Variants in RTN4 observed in about 807,000 individuals in gnomAD.
RTN4 encodes the protein reticulon-4.
RTN4 carries 32 observed loss-of-function variants against 90.4 expected under a neutral mutation model. The ratio of observed to expected loss-of-function variants is 0.35; its 90% confidence interval spans 0.27 to 0.48. The LOEUF (loss-of-function observed/expected upper bound fraction) is 0.48, where lower values mean the gene tolerates loss of function less well. Among genes scored for constraint, RTN4 ranks in the 20% least tolerant of loss-of-function variants. The probability of loss-of-function intolerance (pLI) is 0.99; values close to 1 mark genes in which losing one functional copy is unlikely to be tolerated. For missense variants in RTN4, 1,706 were observed against 1,430.2 expected (o/e 1.19, Z -3.11); for synonymous variants, 629 against 552.5 (o/e 1.14, Z -1.94).
chr2:55,025,054 G>A (rs747645565), intron 3 of RTN4, 32 bp downstream of exon 3: 2 of 1,552,454 alleles, frequency 1.3e-6, no homozygotes, highest in East Asian at 4.5e-5. Context: ...AAAGTGGCAT[G>A]AAAGCACAAA....
chr2:54,990,249 T>G (rs191312368), intron 3 of RTN4, among the ~76,000 whole-genome samples: 1 of 152,238 alleles, frequency 6.6e-6, no homozygotes, highest in African/African-American at 2.4e-5. Flanking sequence ...AATAGTTGTA[T>G]GTATTTCAAA....
At chr2:55,115,640 A>T (rs1038295463), upstream of RTN4, among the ~76,000 whole-genome samples, 4 of 152,244 alleles carry the variant, frequency 2.6e-5, no homozygotes, top group Admixed American at 2.6e-4. Context: ...CCAAGAAAGC[A>T]GTCTGCTCCC....
intron 1 of RTN4, among the ~76,000 whole-genome samples, chr2:55,085,937 G>A (rs1177898047): frequency 6.6e-6 from 1 of 152,126 alleles, no homozygotes; most frequent in Non-Finnish European, 1.5e-5. Flanking sequence ...CATTATTGCA[G>A]TCCTCATTTG....
At chr2:54,981,220 C>G (rs188086756) in intron 5 of RTN4, among the ~76,000 whole-genome samples, 5 of 150,528 alleles carry the variant, frequency 3.3e-5, no homozygotes, top group African/African-American at 1.2e-4. Flanking sequence ...CCTGTAAGCC[C>G]AGAGACGCAA....
intron 2 of RTN4, among the ~76,000 whole-genome samples, chr2:55,073,359 A>G (rs961692702): frequency 6.6e-6 from 1 of 152,240 alleles, no homozygotes; most frequent in African/African-American, 2.4e-5. Flanking sequence ...GTCTACAAAT[A>G]GCTTTATAGA....
chr2:54,980,216 T>G (rs1678006477), intron 5 of RTN4, among the ~76,000 whole-genome samples: 1 of 152,158 alleles, frequency 6.6e-6, no homozygotes, highest in South Asian at 2.1e-4. Context: ...AACAAAGAAA[T>G]TATTTCTCAA....
chr2:55,001,200 T>G (rs1207364477), intron 3 of RTN4, among the ~76,000 whole-genome samples: 1 of 152,140 alleles, frequency 6.6e-6, no homozygotes, highest in Non-Finnish European at 1.5e-5. Flanking sequence ...ATTCATTTTA[T>G]TAAAAAACCA....
intron 3 of RTN4, among the ~76,000 whole-genome samples, chr2:55,012,943 C>A (rs1558803170): frequency 6.6e-6 from 1 of 152,154 alleles, no homozygotes; most frequent in Non-Finnish European, 1.5e-5. Context: ...CTGTTAAAAA[C>A]TTATCTTCAT....
At chr2:55,081,098 A>G (rs909168221) in intron 1 of RTN4, among the ~76,000 whole-genome samples, 1 of 151,762 alleles carries the variant, frequency 6.6e-6, no homozygotes, top group African/African-American at 2.4e-5. Context: ...ATTTTGAAAC[A>G]GGAGCTCACT....
At chr2:55,119,784 A>T in the RTN4 span, among the ~76,000 whole-genome samples, 1 of 152,146 alleles carries the variant, frequency 6.6e-6, no homozygotes, top group Non-Finnish European at 1.5e-5. Flanking sequence ...GGTTTCCACA[A>T]CCACCTCCTC....
chr2:55,021,397 C>CG (rs914509340), intron 3 of RTN4, among the ~76,000 whole-genome samples: 6 of 151,368 alleles, frequency 4.0e-5, no homozygotes, highest in African/African-American at 1.2e-4. Flanking sequence ...CCCTGCCCCC[C>CG]CCGCCAAAAA....
the RTN4 span, among the ~76,000 whole-genome samples, chr2:55,129,157 T>A: frequency 2.3e-4 from 34 of 146,964 alleles, no homozygotes; most frequent in Admixed American, 1.2e-3. Flanking sequence ...AGGCAAAGGA[T>A]ATAAAGAGGC....
At chr2:55,132,668 C>A in the RTN4 span, among the ~76,000 whole-genome samples, 3 of 151,426 alleles carry the variant, frequency 2.0e-5, no homozygotes, top group Admixed American at 6.6e-5. Context: ...AAAAATTAGC[C>A]GGGCATGATG....
At chr2:55,081,279 G>T (rs1194431128) in intron 1 of RTN4, among the ~76,000 whole-genome samples, 3 of 151,994 alleles carry the variant, frequency 2.0e-5, no homozygotes, top group Non-Finnish European at 4.4e-5. Flanking sequence ...GTCTCACTAT[G>T]TTGTCCAGCC....
chr2:55,109,278 C>T (rs775263128), intron 1 of RTN4, among the ~76,000 whole-genome samples: 1 of 152,140 alleles, frequency 6.6e-6, no homozygotes, highest in Non-Finnish European at 1.5e-5. Flanking sequence ...GGGACAAAGT[C>T]ACTGAACAGC....
At chr2:55,033,634 C>A (rs190073128) in intron 1 of RTN4, among the ~76,000 whole-genome samples, 1 of 152,258 alleles carries the variant, frequency 6.6e-6, no homozygotes, top group East Asian at 1.9e-4. Context: ...ATGTGCCTTA[C>A]AGAGAAAACA....
chr2:55,051,226 G>C (rs1668081928), upstream of RTN4, among the ~76,000 whole-genome samples: 1 of 152,232 alleles, frequency 6.6e-6, no homozygotes, highest in South Asian at 2.1e-4. Flanking sequence ...TCCAAAGAGA[G>C]TTTGGGGCCT....
intron 2 of RTN4, 123 bp downstream of exon 2, chr2:55,028,041 G>C: frequency 1.2e-6 from 1 of 808,746 alleles, no homozygotes; most frequent in East Asian, 3.1e-5. Context: ...TTTTCCAGTA[G>C]ACAAAACATT....
chr2:54,992,100 C>T (rs1007360488), intron 3 of RTN4, among the ~76,000 whole-genome samples: 2 of 151,944 alleles, frequency 1.3e-5, no homozygotes, highest in African/African-American at 4.8e-5. Flanking sequence ...TTTGGGAGGC[C>T]GAGGTGGGAG....
Sources: allele counts gnomAD v4.1 joint callset (sites outside exome capture counted in the v4.1 genomes callset), GRCh38; gene constraint gnomAD v4.1.1; transcripts MANE v1.5; gene names NCBI Gene and HGNC (gene_info 2026-07-23, HGNC 2026-07-21).